BORCS5: variants seen among roughly 807,000 people sequenced by gnomAD.
The protein encoded by BORCS5 is BLOC-1 related complex subunit 5.
A neutral mutation model predicts 22.1 loss-of-function variants in BORCS5; 17 were observed. The ratio of observed to expected loss-of-function variants is 0.77; its 90% confidence interval spans 0.53 to 1.15. The LOEUF is 1.15. Ranked by LOEUF, BORCS5 falls within the 50% of genes most tolerant of loss-of-function variation. BORCS5 has a pLI of 0.00. For synonymous variants in BORCS5, 117 were observed against 99.8 expected (o/e 1.17, Z -1.03); for missense variants, 247 against 253.2 (o/e 0.98, Z 0.17).
At chr12:12,386,725 C>T (rs1220554057) in intron 2 of BORCS5, among the ~76,000 whole-genome samples, 1 of 151,134 alleles carries the variant, frequency 6.6e-6, no homozygotes, top group Non-Finnish European at 1.5e-5. Context: ...CTGCCTCGGC[C>T]TCCCAAAGTG....
intron 2 of BORCS5, among the ~76,000 whole-genome samples, chr12:12,424,368 A>G (rs1165005882): frequency 6.6e-6 from 1 of 152,116 alleles, no homozygotes; most frequent in Non-Finnish European, 1.5e-5. Context: ...CAGTTCCAGA[A>G]CTTATTTTTC....
chr12:12,457,924 G>A (rs1475792846), intron 3 of BORCS5, among the ~76,000 whole-genome samples: 1 of 152,170 alleles, frequency 6.6e-6, no homozygotes, highest in Non-Finnish European at 1.5e-5. Context: ...ATGAATAGCC[G>A]CTCCTCATTT....
At chr12:12,455,732 T>C (rs928618443) in intron 3 of BORCS5, among the ~76,000 whole-genome samples, 5 of 151,162 alleles carry the variant, frequency 3.3e-5, no homozygotes, top group Non-Finnish European at 7.4e-5. Context: ...TGAGCTGAGA[T>C]TGTGGCACTG....
At chr12:12,375,622 A>G (rs1863631938) in intron 2 of BORCS5, among the ~76,000 whole-genome samples, 1 of 152,180 alleles carries the variant, frequency 6.6e-6, no homozygotes, top group African/African-American at 2.4e-5. Flanking sequence ...CTGTCTCTGA[A>G]ACAACAGCAA....
chr12:12,451,939 A>AG (rs1378640802), intron 3 of BORCS5, among the ~76,000 whole-genome samples: 1 of 151,566 alleles, frequency 6.6e-6, no homozygotes, highest in African/African-American at 2.4e-5. Context: ...TAAAAAAAAA[A>AG]AAAAAAGGAA....
intron 2 of BORCS5, among the ~76,000 whole-genome samples, chr12:12,428,978 A>C (rs1327523353): frequency 6.6e-6 from 1 of 152,328 alleles, no homozygotes; most frequent in East Asian, 1.9e-4. Context: ...GTTGGTAGGA[A>C]ATAATTAAAA....
chr12:12,438,663 C>T (rs1027754116), intron 3 of BORCS5, among the ~76,000 whole-genome samples: 3 of 152,076 alleles, frequency 2.0e-5, no homozygotes, highest in Non-Finnish European at 2.9e-5. Flanking sequence ...TAAAAGAAGG[C>T]GGAGTAACAC....
chr12:12,360,964 G>A (rs1295779122), intron 1 of BORCS5, among the ~76,000 whole-genome samples: 1 of 152,004 alleles, frequency 6.6e-6, no homozygotes, highest in Non-Finnish European at 1.5e-5. Context: ...CAGGTGATCT[G>A]CCCACCTCGG....
At chr12:12,459,710 A>G (rs1461619141) in intron 3 of BORCS5, among the ~76,000 whole-genome samples, 6 of 152,160 alleles carry the variant, frequency 3.9e-5, no homozygotes, top group African/African-American at 1.2e-4. Flanking sequence ...TTTCTTGTGT[A>G]TGCACTGTGA....
rs146183567 is a variant in BORCS5 at position 12,433,120 on chromosome 12, G to A, written c.203-2508G>A. Among the ~76,000 whole-genome samples, 239 of 152,174 alleles carry A rather than the reference G, an allele frequency of 1.6e-3. 3 individuals are homozygous for A. The highest frequency in any genetic ancestry group is 6.8e-3 in the Middle Eastern group (2 of 294). On this transcript the variant is annotated intron_variant, in intron 2 of 3. Coordinates refer to ENST00000314565, the MANE Select transcript of BORCS5 (RefSeq NM_058169.6). The stretch of plus-strand genomic sequence containing the variant: ...AGGCTGAGGCAGCTGGATCACCTTA[G>A]GTCAAGAGTTTGAGATCAGCCTGGC...
chr12:12,374,952 C>CAA (rs112909758), intron 2 of BORCS5, among the ~76,000 whole-genome samples: 11 of 106,340 alleles, frequency 1.0e-4, no homozygotes, highest in African/African-American at 2.0e-4. Flanking sequence ...GAGACTGTCT[C>CAA]AAAAAAAAAA....
At chr12:12,448,602 A>C (rs1942837748) in intron 3 of BORCS5, among the ~76,000 whole-genome samples, 1 of 143,194 alleles carries the variant, frequency 7.0e-6, no homozygotes, top group Non-Finnish European at 1.5e-5. Context: ...GATCTCGGCT[A>C]ACTGCAGCCT....
intron 3 of BORCS5, among the ~76,000 whole-genome samples, chr12:12,440,524 C>T (rs897058789): frequency 6.7e-6 from 1 of 149,378 alleles, no homozygotes; most frequent in Non-Finnish European, 1.5e-5. Flanking sequence ...GGGGAATGCT[C>T]ATTTGTTATT....
chr12:12,357,154 G>C lies in BORCS5; in HGVS notation c.-298G>C. ...GCGGCGCCGCCCGCCGGCCGCAGGT[G>C]CGGCAAAGCCAGTGTCATCTGCCGG... is the stretch of plus-strand genomic sequence containing the variant. On this transcript the variant is annotated 5_prime_UTR_variant, in exon 1 of 4. Transcript: ENST00000314565. 6.5e-7 allele frequency: 1 copy of C among 1,533,052 alleles called. No homozygotes were observed. The highest frequency in any genetic ancestry group is 8.7e-7 in the Non-Finnish European group (1 of 1,145,720). The allele number at this position is 1,533,052 out of a possible 1,614,324, so 95.0% of individuals were successfully genotyped here. A position where few individuals can be genotyped will look rare whatever the true frequency, so the allele number is the denominator to read the frequency against.
chr12:12,424,304 C>T (rs570798883), intron 2 of BORCS5, among the ~76,000 whole-genome samples: 1 of 152,288 alleles, frequency 6.6e-6, no homozygotes, highest in South Asian at 2.1e-4. Flanking sequence ...CTTTCTTCTG[C>T]CTGCTCAAAT....
intron 2 of BORCS5, among the ~76,000 whole-genome samples, chr12:12,372,320 C>G (rs1863547985): frequency 6.6e-6 from 1 of 151,884 alleles, no homozygotes; most frequent in African/African-American, 2.4e-5. Context: ...GAGTAGAGTG[C>G]ATTTCTTTTA....
At chr12:12,410,716 T>C (rs1175738068) in intron 2 of BORCS5, among the ~76,000 whole-genome samples, 2 of 152,210 alleles carry the variant, frequency 1.3e-5, no homozygotes, top group African/African-American at 4.8e-5. Context: ...ACGGGCTCTT[T>C]TTTGGTTCCA....
intron 2 of BORCS5, among the ~76,000 whole-genome samples, chr12:12,384,582 G>A (rs1443967576): frequency 1.3e-5 from 2 of 150,462 alleles, no homozygotes; most frequent in African/African-American, 4.9e-5. Flanking sequence ...CTCCCAAATT[G>A]CTGTTGTTAC....
chr12:12,412,778 T>C (rs1341519192), intron 2 of BORCS5, among the ~76,000 whole-genome samples: 2 of 152,146 alleles, frequency 1.3e-5, no homozygotes, highest in Non-Finnish European at 2.9e-5. Flanking sequence ...TTTTATTATG[T>C]TGAGGTAGTC....
Sources: gnomAD v4.1 joint callset for allele counts (sites outside exome capture counted in the v4.1 genomes callset) on GRCh38, gnomAD v4.1.1 for gene constraint, MANE v1.5 for transcripts, NCBI Gene and HGNC (gene_info 2026-07-23, HGNC 2026-07-21) for gene names.